Variants in NRXN3 observed in about 807,000 individuals in gnomAD.
NRXN3 encodes the protein neurexin 3.
A neutral mutation model predicts 137.6 loss-of-function variants in NRXN3; 32 were observed. The observed-to-expected ratio is 0.23, with a 90% CI of 0.18 to 0.31. The LOEUF (loss-of-function observed/expected upper bound fraction) is 0.31, where lower values mean the gene tolerates loss of function less well. Among genes scored for constraint, NRXN3 ranks in the 10% least tolerant of loss-of-function variants. NRXN3 has a pLI of 1.00. For synonymous variants in NRXN3, 798 were observed against 784.5 expected (o/e 1.02, Z -0.29); for missense variants, 1,574 against 2,062.5 (o/e 0.76, Z 4.59).
chr14:79,167,762 A>G (rs1016373289), intron 15 of NRXN3, among the ~76,000 whole-genome samples: 1 of 151,828 alleles, frequency 6.6e-6, no homozygotes, highest in Non-Finnish European at 1.5e-5. Context: ...TAAAGTTACA[A>G]CTTATTCTTC....
intron 4 of NRXN3, among the ~76,000 whole-genome samples, chr14:78,383,197 C>T (rs1044219971): frequency 1.3e-5 from 2 of 152,126 alleles, no homozygotes; most frequent in South Asian, 2.1e-4. Context: ...GGAGTGAACT[C>T]GGAATGACTG....
intron 10 of NRXN3, among the ~76,000 whole-genome samples, chr14:78,894,868 GA>G (rs1182076368): frequency 6.7e-6 from 1 of 148,244 alleles, no homozygotes; most frequent in African/African-American, 2.5e-5. Context: ...CATTGTCAAT[GA>G]ATAGTAACAT....
At chr14:79,308,668 G>T (rs77384930) in intron 15 of NRXN3, among the ~76,000 whole-genome samples, 2,294 of 152,042 alleles carry the variant, frequency 0.015, 22 homozygotes, top group East Asian at 0.041. Context: ...ATGTCTTGTG[G>T]AATGGTCTGA....
At chr14:79,131,823 CAGAG>C (rs2057528300) in intron 15 of NRXN3, among the ~76,000 whole-genome samples, 1 of 152,254 alleles carries the variant, frequency 6.6e-6, no homozygotes, top group Non-Finnish European at 1.5e-5. Flanking sequence ...TGCTAGCAAT[CAGAG>C]AGACTCCGTG....
intron 4 of NRXN3, among the ~76,000 whole-genome samples, chr14:78,549,269 G>C (rs1022849687): frequency 6.6e-6 from 1 of 152,210 alleles, no homozygotes; most frequent in Admixed American, 6.5e-5. Context: ...CCTAGTAAAT[G>C]AGTCTTCGTT....
intron 1 of NRXN3, among the ~76,000 whole-genome samples, chr14:78,200,948 C>T (rs1366595641): frequency 2.0e-5 from 3 of 152,054 alleles, no homozygotes; most frequent in South Asian, 4.2e-4. Flanking sequence ...TATGGGGGGC[C>T]TCTCCCTGGT....
intron 15 of NRXN3, among the ~76,000 whole-genome samples, chr14:79,054,234 A>C (rs1281756159): frequency 3.3e-5 from 5 of 151,898 alleles, no homozygotes; most frequent in Non-Finnish European, 7.4e-5. Context: ...TGGGTGCAGC[A>C]CACCAACATG....
At chr14:79,452,908 A>C (rs1461975415) in intron 15 of NRXN3, among the ~76,000 whole-genome samples, 1 of 152,194 alleles carries the variant, frequency 6.6e-6, no homozygotes, top group Non-Finnish European at 1.5e-5. Context: ...AAAAGTATAA[A>C]CTAATTACTA....
At chr14:78,934,604 T>C (rs2099330365) in intron 10 of NRXN3, among the ~76,000 whole-genome samples, 2 of 152,180 alleles carry the variant, frequency 1.3e-5, no homozygotes, top group South Asian at 4.1e-4. Context: ...CTGTTGGTGA[T>C]ACCCAAGGGC....
chr14:78,898,431 T>C (rs73323321), intron 10 of NRXN3, among the ~76,000 whole-genome samples: 2,824 of 151,988 alleles, frequency 0.019, 77 homozygotes, highest in African/African-American at 0.065. Context: ...CGAATTGTGT[T>C]GGATTTCTTG....
intron 6 of NRXN3, among the ~76,000 whole-genome samples, chr14:78,693,971 C>A (rs184450090): frequency 1.3e-5 from 2 of 151,904 alleles, no homozygotes; most frequent in African/African-American, 4.8e-5. Flanking sequence ...AGATTTCTCA[C>A]TCTCATTTCT....
At chr14:78,947,546 G>A (rs887472967) in intron 10 of NRXN3, among the ~76,000 whole-genome samples, 6 of 152,142 alleles carry the variant, frequency 3.9e-5, no homozygotes, top group African/African-American at 7.2e-5. Flanking sequence ...ATAGACTTAC[G>A]CTATTTAAGA....
At chr14:79,125,023 A>G (rs777347021) in intron 15 of NRXN3, among the ~76,000 whole-genome samples, 3 of 152,226 alleles carry the variant, frequency 2.0e-5, no homozygotes, top group Non-Finnish European at 2.9e-5. Flanking sequence ...TACATTTTGT[A>G]CATGTTTTTG....
intron 15 of NRXN3, among the ~76,000 whole-genome samples, chr14:79,212,462 G>C (rs2067818266): frequency 6.6e-6 from 1 of 152,148 alleles, no homozygotes; most frequent in East Asian, 1.9e-4. Context: ...GGATGAAGGT[G>C]TTATGAAAAC....
At chr14:79,295,185 C>T (rs575580631) in intron 15 of NRXN3, among the ~76,000 whole-genome samples, 22 of 152,106 alleles carry the variant, frequency 1.4e-4, no homozygotes, top group African/African-American at 4.8e-4. Context: ...CTTTTTTCCC[C>T]CCTTGAATAT....
chr14:79,549,341 C>T (rs542452439), intron 16 of NRXN3, among the ~76,000 whole-genome samples: 4 of 152,216 alleles, frequency 2.6e-5, no homozygotes, highest in African/African-American at 9.6e-5. Flanking sequence ...TGATCTTTGG[C>T]AGTTTCTAGT....
chr14:78,985,853 G>A (rs1249871559), intron 14 of NRXN3, among the ~76,000 whole-genome samples: 2 of 152,190 alleles, frequency 1.3e-5, no homozygotes, highest in East Asian at 1.9e-4. Context: ...CAATGCTTGA[G>A]TTTAAGACCC....
intron 15 of NRXN3, among the ~76,000 whole-genome samples, chr14:79,416,349 A>T (rs913729439): frequency 1.3e-5 from 2 of 152,152 alleles, no homozygotes; most frequent in Non-Finnish European, 2.9e-5. Context: ...GGGTAAATAA[A>T]TGTTCTCATT....
At chr14:78,860,313 G>A (rs1248741763) in intron 10 of NRXN3, among the ~76,000 whole-genome samples, 1 of 152,120 alleles carries the variant, frequency 6.6e-6, no homozygotes, top group Non-Finnish European at 1.5e-5. Context: ...TAATTTGCCA[G>A]TGTCTACTAG....
Sources: allele counts gnomAD v4.1 joint callset (sites outside exome capture counted in the v4.1 genomes callset), GRCh38; gene constraint gnomAD v4.1.1; transcripts MANE v1.5; gene names NCBI Gene and HGNC (gene_info 2026-07-23, HGNC 2026-07-21).